HS3ST5: variants seen among roughly 807,000 people sequenced by gnomAD.
HS3ST5 encodes the protein heparan sulfate glucosamine 3-O-sulfotransferase 5.
In HS3ST5, 10 loss-of-function variants were observed where a neutral mutation model predicts 25.4. That is an observed-to-expected ratio of 0.39 (90% CI 0.24 to 0.67). The LOEUF (loss-of-function observed/expected upper bound fraction) is 0.67. Ranked by LOEUF, HS3ST5 falls within the 30% of genes least tolerant of loss-of-function variation. The probability of loss-of-function intolerance (pLI) is 0.44; values close to 1 mark genes in which losing one functional copy is unlikely to be tolerated. For synonymous variants in HS3ST5, 170 were observed against 162.4 expected (o/e 1.05, Z -0.36); for missense variants, 324 against 420.7 (o/e 0.77, Z 2.01).
At chr6:114,231,114 A>T (rs1246082862) in intron 1 of HS3ST5, among the ~76,000 whole-genome samples, 6 of 151,982 alleles carry the variant, frequency 3.9e-5, no homozygotes, top group Admixed American at 3.9e-4. Flanking sequence ...TCCCCTTGGT[A>T]CTGTTCTTGT....
At chr6:114,062,310 C>A (rs536122042) in intron 4 of HS3ST5, among the ~76,000 whole-genome samples, 4 of 152,292 alleles carry the variant, frequency 2.6e-5, no homozygotes, top group Non-Finnish European at 5.9e-5. Flanking sequence ...CGATGAGCTC[C>A]TTTAGAGGCT....
intron 1 of HS3ST5, chr6:114,231,509 T>C (rs893292517): frequency 6.6e-6 from 1 of 152,212 alleles, no homozygotes; most frequent in African/African-American, 2.4e-5. Context: ...AAGAATGGTC[T>C]AATACAAAGT....
At chr6:114,083,678 T>C (rs1303711103) in intron 3 of HS3ST5, among the ~76,000 whole-genome samples, 1 of 152,246 alleles carries the variant, frequency 6.6e-6, no homozygotes, top group African/African-American at 2.4e-5. Context: ...CGTGTAGAAA[T>C]CTTTTCATTT....
intron 2 of HS3ST5, among the ~76,000 whole-genome samples, chr6:114,191,211 C>T (rs299403): frequency 0.97 from 148,295 of 152,310 alleles, 72,324 homozygotes; most frequent in East Asian, 1. Context: ...GTGTATTCCA[C>T]GTATGTGTGT....
intron 1 of HS3ST5, among the ~76,000 whole-genome samples, chr6:114,256,813 G>A (rs1243716078): frequency 6.6e-6 from 1 of 152,056 alleles, no homozygotes; most frequent in Admixed American, 6.6e-5. Context: ...TTACAGTAGT[G>A]TCCCACTCTA....
chr6:114,332,802 A>C (rs950043582), intron 1 of HS3ST5, among the ~76,000 whole-genome samples: 4 of 152,028 alleles, frequency 2.6e-5, no homozygotes, highest in Admixed American at 6.6e-5. Flanking sequence ...GGTAGTGTGG[A>C]AGATAAGAGG....
intron 3 of HS3ST5, among the ~76,000 whole-genome samples, chr6:114,148,180 G>A (rs1582652648): frequency 1.3e-5 from 2 of 152,254 alleles, no homozygotes; most frequent in South Asian, 4.1e-4. Flanking sequence ...CAAGCAATGG[G>A]AAAAGAATTC....
intron 2 of HS3ST5, among the ~76,000 whole-genome samples, chr6:114,213,980 A>G (rs1781635830): frequency 6.6e-6 from 1 of 152,156 alleles, no homozygotes; most frequent in Non-Finnish European, 1.5e-5. Context: ...TTTCTTTCCT[A>G]GAGAAGTTCT....
In HS3ST5 at chr6:114,149,747, TA is replaced by T. The variant is rs1006717041; in HGVS notation, c.-33+18603del. Reference sequence around the variant, plus strand: ...GAACTTCAAGTAAAATTTTAAAAATTAAAAAAAAATTTCTTAGGTCAGCACA... The same window carrying T: ...GAACTTCAAGTAAAATTTTAAAAATTAAAAAAAATTTCTTAGGTCAGCACA... On this transcript the variant is annotated intron_variant, in intron 3 of 4. Transcript: ENST00000312719. Among the ~76,000 whole-genome samples the T allele has an allele frequency of 4.0e-4, 60 of 151,734 alleles. 1 individual carries two copies. The East Asian group carries it at 9.3e-3, about 23-fold the overall frequency.
intron 1 of HS3ST5, among the ~76,000 whole-genome samples, chr6:114,279,082 TAGAC>T (rs1329002185): frequency 6.6e-6 from 1 of 152,056 alleles, no homozygotes; most frequent in Non-Finnish European, 1.5e-5. Context: ...AGTTGGCAAT[TAGAC>T]AAAGAAATCT....
chr6:114,127,014 T>C (rs931442008), intron 3 of HS3ST5, among the ~76,000 whole-genome samples: 2 of 152,206 alleles, frequency 1.3e-5, no homozygotes, highest in African/African-American at 4.8e-5. Flanking sequence ...TAAGAGGTCA[T>C]TATAAGATGT....
intron 1 of HS3ST5, among the ~76,000 whole-genome samples, chr6:114,280,294 C>T (rs1481216195): frequency 1.3e-5 from 2 of 151,932 alleles, no homozygotes; most frequent in East Asian, 3.9e-4. Flanking sequence ...GGGGGTGATA[C>T]AGGGCAGGAG....
intron 2 of HS3ST5, among the ~76,000 whole-genome samples, chr6:114,209,505 CT>C (rs1347920882): frequency 1.3e-5 from 2 of 151,730 alleles, no homozygotes; most frequent in African/African-American, 4.8e-5. Context: ...TATTGCTTAT[CT>C]TCTCACCAAC....
At chr6:114,155,777 T>G (rs1366063165) in intron 3 of HS3ST5, among the ~76,000 whole-genome samples, 1 of 152,220 alleles carries the variant, frequency 6.6e-6, no homozygotes, top group Non-Finnish European at 1.5e-5. Flanking sequence ...TGACCTGGCT[T>G]GGGCTTGGTG....
intron 2 of HS3ST5, among the ~76,000 whole-genome samples, chr6:114,172,903 C>T (rs1056839914): frequency 6.6e-6 from 1 of 152,064 alleles, no homozygotes; most frequent in African/African-American, 2.4e-5. Flanking sequence ...TTACTTCAAG[C>T]CAGGGTTATC....
intron 4 of HS3ST5, among the ~76,000 whole-genome samples, chr6:114,060,045 G>T (rs1477442091): frequency 1.3e-5 from 2 of 151,566 alleles, no homozygotes; most frequent in African/African-American, 4.9e-5. Flanking sequence ...ACGGAGTCTT[G>T]GTCTGTTGCC....
At chr6:114,159,282 A>T (rs190911322) in intron 3 of HS3ST5, among the ~76,000 whole-genome samples, 129 of 152,342 alleles carry the variant, frequency 8.5e-4, no homozygotes, top group Middle Eastern at 3.4e-3. Flanking sequence ...GCCAAAGGCC[A>T]TGTATAATAA....
At chr6:114,325,604 C>G (rs1240650293) in intron 1 of HS3ST5, among the ~76,000 whole-genome samples, 1 of 152,142 alleles carries the variant, frequency 6.6e-6, no homozygotes, top group Non-Finnish European at 1.5e-5. Flanking sequence ...CCCTGCTAAA[C>G]TAGTGTTTCT....
chr6:114,291,806 G>A (rs1356090909), intron 1 of HS3ST5, among the ~76,000 whole-genome samples: 1 of 152,144 alleles, frequency 6.6e-6, no homozygotes, highest in Non-Finnish European at 1.5e-5. Context: ...TAAAGCTCTA[G>A]GGCCTTGAAT....
Sources: allele counts gnomAD v4.1 joint callset (sites outside exome capture counted in the v4.1 genomes callset), GRCh38; gene constraint gnomAD v4.1.1; transcripts MANE v1.5; gene names NCBI Gene and HGNC (gene_info 2026-07-23, HGNC 2026-07-21).